Variants in ADAM19 observed in about 807,000 individuals in gnomAD.
The protein encoded by ADAM19 is ADAM metallopeptidase domain 19, also known as disintegrin and metalloproteinase domain-containing protein 19.
A neutral mutation model predicts 114.7 loss-of-function variants in ADAM19; 65 were observed. That is an observed-to-expected ratio of 0.57 (90% CI 0.46 to 0.70). ADAM19 has a LOEUF of 0.70. Among genes scored for constraint, ADAM19 ranks in the 30% least tolerant of loss-of-function variants. The pLI is 0.00. For synonymous variants in ADAM19, 466 were observed against 460.5 expected, an observed-to-expected ratio of 1.01 and a Z score of -0.15; for missense variants, 1,063 against 1,204.7, an observed-to-expected ratio of 0.88 and a Z score of 1.74.
chr5:157,526,602 G>A (rs1408196871), intron 5 of ADAM19, among the ~76,000 whole-genome samples: 1 of 150,776 alleles, frequency 6.6e-6, no homozygotes, highest in African/African-American at 2.4e-5. Flanking sequence ...GAGATGGGAT[G>A]CCACATCTTT....
chr5:157,530,454 A>C (rs960690182), intron 5 of ADAM19, among the ~76,000 whole-genome samples: 2 of 152,108 alleles, frequency 1.3e-5, no homozygotes, highest in Admixed American at 1.3e-4. Context: ...GACCAACCCC[A>C]GTGCCTCCCC....
intron 3 of ADAM19, among the ~76,000 whole-genome samples, chr5:157,543,141 C>T (rs1309035408): frequency 6.6e-6 from 1 of 152,164 alleles, no homozygotes; most frequent in African/African-American, 2.4e-5. Flanking sequence ...CACACACCGC[C>T]ACACAAATAC....
chr5:157,556,576 G>A (rs964192062), intron 3 of ADAM19, among the ~76,000 whole-genome samples: 5 of 152,028 alleles, frequency 3.3e-5, no homozygotes, highest in East Asian at 1.9e-4. Flanking sequence ...CCAGGGATTC[G>A]AATGTGGTTA....
At chr5:157,540,171 CATT>C (rs944538297) in intron 3 of ADAM19, among the ~76,000 whole-genome samples, 47 of 152,298 alleles carry the variant, frequency 3.1e-4, no homozygotes, top group African/African-American at 1.0e-3. Context: ...TAGTGATAAT[CATT>C]ATTGCTTTCA....
intron 5 of ADAM19, among the ~76,000 whole-genome samples, chr5:157,521,179 T>C (rs1451455253): frequency 6.6e-6 from 1 of 152,198 alleles, no homozygotes. Context: ...GACCATGACT[T>C]ATTATCAATT....
intron 11 of ADAM19, among the ~76,000 whole-genome samples, chr5:157,503,835 C>T (rs1755646542): frequency 6.6e-6 from 1 of 152,204 alleles, no homozygotes; most frequent in Non-Finnish European, 1.5e-5. Context: ...ATGCAGAGGG[C>T]ATTCCAAACT....
chr5:157,481,480 C>T lies in ADAM19; in HGVS notation c.2703+311G>A, dbSNP rs1754744495. Reference sequence around the variant, plus strand: ...ACCTGATGGGGCTGGTACTACTGCTCATCATAGCCTCTGTACAAATGAGGA... The same window carrying T: ...ACCTGATGGGGCTGGTACTACTGCTTATCATAGCCTCTGTACAAATGAGGA... On this transcript the variant is annotated intron_variant, in intron 22 of 22. Transcript: ENST00000257527. 3.3e-6 allele frequency: 3 copies of T among 910,996 alleles called. No individual in the cohort carries two copies. The East Asian group carries it at 7.9e-5, about 24-fold the overall frequency. 56.4% of individuals were successfully genotyped at this position (910,996 alleles called of 1,614,324 possible).
intron 21 of ADAM19, among the ~76,000 whole-genome samples, chr5:157,487,292 G>T (rs1754972985): frequency 6.6e-6 from 1 of 151,992 alleles, no homozygotes; most frequent in South Asian, 2.1e-4. Flanking sequence ...CACATAAAAG[G>T]AAGGGGAGAG....
At chr5:157,530,777 G>A (rs371232027) in intron 5 of ADAM19, 30 bp downstream of exon 5, 27 of 1,595,790 alleles carry the variant, frequency 1.7e-5, no homozygotes, top group Admixed American at 1.2e-4. Flanking sequence ...GAGAGTGCCC[G>A]GTGCCACCTG....
chr5:157,563,797 T>C (rs1757578617), intron 3 of ADAM19, among the ~76,000 whole-genome samples: 1 of 152,170 alleles, frequency 6.6e-6, no homozygotes, highest in Non-Finnish European at 1.5e-5. Flanking sequence ...CAAATCAATG[T>C]GCAAGTGCCT....
At position 157,575,729 on chromosome 5, in the gene ADAM19, A is replaced by T. The variant is rs1444329119; in HGVS notation, c.-33T>A. ...GCGGCCCTTAGCGCTCGGCGCTCAC[A>T]CGCCCTCAGCCATACCTGCCCACTG... On this transcript the variant is annotated 5_prime_UTR_variant, in exon 1 of 23. Coordinates refer to ENST00000257527, the MANE Select transcript of ADAM19 (RefSeq NM_033274.5). 3 of 1,298,312 alleles carry T rather than the reference A, an allele frequency of 2.3e-6. No individual in the cohort carries two copies. The highest frequency in any genetic ancestry group is 4.3e-5 in the South Asian group (2 of 46,566). The allele number at this position is 1,298,312 out of a possible 1,614,324, so 80.4% of individuals were successfully genotyped here.
chr5:157,521,919 C>T (rs973459383), intron 5 of ADAM19, among the ~76,000 whole-genome samples: 5 of 152,190 alleles, frequency 3.3e-5, no homozygotes, highest in African/African-American at 9.7e-5. Flanking sequence ...GTTCTGTGTG[C>T]ACCAGGTTGT....
chr5:157,529,752 C>A (rs554710700), intron 5 of ADAM19, among the ~76,000 whole-genome samples: 4 of 152,264 alleles, frequency 2.6e-5, no homozygotes, highest in East Asian at 3.9e-4. Context: ...TTCTTTTTAT[C>A]CACATTTTAC....
At chr5:157,526,403 A>T (rs181341939) in intron 5 of ADAM19, among the ~76,000 whole-genome samples, 6 of 152,144 alleles carry the variant, frequency 3.9e-5, no homozygotes, top group African/African-American at 7.2e-5. Flanking sequence ...AACAAAAAAA[A>T]ATTTTTAAAA....
At chr5:157,537,498 A>G (rs1756798846) in intron 4 of ADAM19, among the ~76,000 whole-genome samples, 1 of 152,246 alleles carries the variant, frequency 6.6e-6, no homozygotes, top group African/African-American at 2.4e-5. Flanking sequence ...ATGCACAGTG[A>G]TTACAACTCT....
intron 1 of ADAM19, among the ~76,000 whole-genome samples, chr5:157,572,495 T>C (rs751768196): frequency 1.1e-4 from 16 of 152,186 alleles, no homozygotes; most frequent in Non-Finnish European, 2.2e-4. Flanking sequence ...AGAATATGAA[T>C]GATAAAAAGA....
chr5:157,500,299 G>A (rs138260567), intron 12 of ADAM19, among the ~76,000 whole-genome samples: 8 of 152,140 alleles, frequency 5.3e-5, no homozygotes, highest in African/African-American at 9.6e-5. Flanking sequence ...ACCATGCCCC[G>A]CTAGGACACA....
chr5:157,551,723 GA>G lies in ADAM19; in HGVS notation c.251+12649del, dbSNP rs767844428. Among the ~76,000 whole-genome samples the G allele has an allele frequency of 5.2e-3, 756 of 144,496 alleles. 10 individuals are homozygous for G. Among genetic ancestry groups the G allele is most frequent in the African/African-American group, 0.016 (643 of 39,614 alleles). The allele number at this position is 144,496 out of a possible 152,430, so 94.8% of individuals were successfully genotyped here. On this transcript the variant is annotated intron_variant, in intron 3 of 22. Coordinates refer to ENST00000257527, the MANE Select transcript of ADAM19 (RefSeq NM_033274.5). Reference sequence around the variant, plus strand: ...ATAAGGAGCTCAAACAACTCTATAAGAAAAAAAAAAACTAATAATCCAATCA... The same window carrying G: ...ATAAGGAGCTCAAACAACTCTATAAGAAAAAAAAAACTAATAATCCAATCA...
At chr5:157,481,743 G>T (rs1253189644) in intron 22 of ADAM19, 48 bp downstream of exon 22, 1 of 1,552,990 alleles carries the variant, frequency 6.4e-7, no homozygotes, top group African/African-American at 1.4e-5. Context: ...TGCCCCCCTG[G>T]AGCCCTCTGG....
Sources: allele counts gnomAD v4.1 joint callset (sites outside exome capture counted in the v4.1 genomes callset), GRCh38; gene constraint gnomAD v4.1.1; transcripts MANE v1.5; gene names NCBI Gene and HGNC (gene_info 2026-07-23, HGNC 2026-07-21).